Variants in GYPC observed in about 807,000 individuals in gnomAD.
The protein encoded by GYPC is glycophorin-C.
GYPC carries 14 observed loss-of-function variants against 12.6 expected under a neutral mutation model. The observed-to-expected ratio is 1.11, with a 90% CI of 0.74 to 1.74. The LOEUF is 1.74. GYPC is among the 40% of genes most tolerant of loss of function. GYPC has a pLI of 0.00. For synonymous variants in GYPC, 78 were observed against 62.1 expected (o/e 1.26, Z -1.20); for missense variants, 225 against 172.1 (o/e 1.31, Z -1.72).
At chr2:126,673,058 T>C (rs901386970) in intron 1 of GYPC, among the ~76,000 whole-genome samples, 1 of 151,894 alleles carries the variant, frequency 6.6e-6, no homozygotes, top group African/African-American at 2.4e-5. Context: ...CAGAAGGGTA[T>C]TGGGAGACCC....
At position 126,693,917 on chromosome 2, in the gene GYPC, C is replaced by T. The variant is rs1465402454; in HGVS notation, c.160C>T (p.Pro54Ser). ...GGATGGCAGAATGGAGACCTCCACC[C>T]CCACCATAATGGACATTGTCGTCAT... Reference protein sequence around the residue: ...WPDGRMETSTPTIMDIVVIAG... With the variant: ...WPDGRMETSTSTIMDIVVIAG... The change falls in exon 3 of 4, where the codon CCC becomes TCC. Residue 54 changes from proline (P) to serine (S), a missense_variant. Pro to Ser is a moderately conservative substitution (Grantham distance 74, BLOSUM62 -1). Coordinates refer to ENST00000259254, the MANE Select transcript of GYPC (RefSeq NM_002101.5). 6.2e-7 allele frequency: 1 copy of T among 1,612,100 alleles called. No individual in the cohort carries two copies.
At chr2:126,684,555 C>T (rs1215573959) in intron 1 of GYPC, among the ~76,000 whole-genome samples, 1 of 152,192 alleles carries the variant, frequency 6.6e-6, no homozygotes, top group African/African-American at 2.4e-5. Context: ...TTCAGGAAGC[C>T]TTTCCTGAGG....
intron 1 of GYPC, among the ~76,000 whole-genome samples, chr2:126,665,384 C>T (rs748380015): frequency 2.0e-5 from 3 of 152,142 alleles, no homozygotes; most frequent in Non-Finnish European, 2.9e-5. Flanking sequence ...CATAGTTATT[C>T]GCATATAGGA....
chr2:126,674,325 C>T (rs1258053102), intron 1 of GYPC, among the ~76,000 whole-genome samples: 1 of 152,154 alleles, frequency 6.6e-6, no homozygotes, highest in African/African-American at 2.4e-5. Context: ...CCCTCAGACC[C>T]ATCCCCAGGC....
intron 1 of GYPC, among the ~76,000 whole-genome samples, chr2:126,675,409 GT>G (rs932042617): frequency 2.0e-5 from 3 of 152,098 alleles, no homozygotes; most frequent in African/African-American, 7.2e-5. Context: ...TCACACTGAT[GT>G]TCCCTTCATT....
intron 1 of GYPC, among the ~76,000 whole-genome samples, chr2:126,661,850 G>A (rs1212758964): frequency 6.6e-6 from 1 of 152,200 alleles, no homozygotes; most frequent in Non-Finnish European, 1.5e-5. Context: ...AGGGCTCAGG[G>A]GAGGAAGCTC....
intron 1 of GYPC, among the ~76,000 whole-genome samples, chr2:126,661,434 AGAT>A (rs1245585228): frequency 1.5e-4 from 22 of 150,400 alleles, no homozygotes; most frequent in African/African-American, 5.1e-4. Context: ...TGTGAAAGCC[AGAT>A]GCCCCTTCTC....
At chr2:126,679,946 AC>A (rs1269900724) in intron 1 of GYPC, 1 of 152,190 alleles carries the variant, frequency 6.6e-6, no homozygotes, top group Non-Finnish European at 1.5e-5. Flanking sequence ...GCAAACTACA[AC>A]TTGTGGGCCA....
At chr2:126,678,185 G>T (rs560418612) in intron 1 of GYPC, 3 of 152,148 alleles carry the variant, frequency 2.0e-5, no homozygotes, top group Admixed American at 6.5e-5. Context: ...TGGCACCACT[G>T]CACTCCAGCC....
At chr2:126,665,261 G>C (rs1433725093) in intron 1 of GYPC, among the ~76,000 whole-genome samples, 1 of 152,148 alleles carries the variant, frequency 6.6e-6, no homozygotes, top group Non-Finnish European at 1.5e-5. Context: ...TACTGAGAGA[G>C]AGAGAGAGAC....
intron 1 of GYPC, among the ~76,000 whole-genome samples, chr2:126,680,968 C>T (rs13398453): frequency 0.024 from 3,727 of 152,164 alleles, 147 homozygotes; most frequent in African/African-American, 0.084. Context: ...GTCAGGGCGG[C>T]GGGAAGGGAC....
chr2:126,693,947 G>C lies in GYPC; in HGVS notation c.190G>C (p.Gly64Arg). ...PTIMDIVVIA[G>R]VIAAVAIVLV... ...CATAATGGACATTGTCGTCATTGCA[G>C]GTGAGCTCTCATCACAGAGCCCTTC... Residue 64 changes from glycine to arginine, a missense_variant and splice_region_variant, in exon 3 of 4, where the codon GGT (glycine) becomes CGT (arginine). By Grantham distance (125) the Gly-to-Arg change is moderately radical. Coordinates refer to ENST00000259254, the MANE Select transcript of GYPC (RefSeq NM_002101.5). 6.3e-7 allele frequency: 1 copy of C among 1,599,852 alleles called. No individual in the cohort carries two copies. The highest frequency in any genetic ancestry group is 1.1e-5 in the South Asian group (1 of 90,818).
At chr2:126,661,142 C>T (rs1017224902) in intron 1 of GYPC, among the ~76,000 whole-genome samples, 6 of 152,196 alleles carry the variant, frequency 3.9e-5, no homozygotes, top group African/African-American at 1.4e-4. Flanking sequence ...CACTGGGTTC[C>T]TTCTTAGGCA....
intron 1 of GYPC, chr2:126,658,811 G>A (rs1214075773): frequency 1.3e-5 from 2 of 151,992 alleles, no homozygotes; most frequent in Non-Finnish European, 2.9e-5. Context: ...ATCTCTTAAA[G>A]GTTATACCTT....
Position 126,656,199 on chromosome 2 carries a change from C to T in GYPC, c.-65C>T, listed in dbSNP as rs181498927. On this transcript the variant is annotated 5_prime_UTR_variant, in exon 1 of 4. Coordinates refer to ENST00000259254, the MANE Select transcript of GYPC (RefSeq NM_002101.5). ...GTCAGGAGCCCGGGAGCGCGACCCT[C>T]CCCCGGCCCGGCCTGGCCCGGCCTG... The T allele has an allele frequency of 2.1e-5, 32 of 1,544,520 alleles. No homozygotes were observed. The African/African-American group carries it at 3.5e-4, about 17-fold the overall frequency.
Position 126,690,252 on chromosome 2 carries a change from C to G in GYPC, c.50-3C>G, listed in dbSNP as rs112389794. On this transcript the variant is annotated splice_region_variant and splice_polypyrimidine_tract_variant and intron_variant, in intron 1 of 3. Transcript: ENST00000259254. The stretch of plus-strand genomic sequence containing the variant: ...ACCTCAGATTCTTGTCCTCTGTTCA[C>G]AGAGCCTGATCCGGGGATGGCCTCT... The G allele has an allele frequency of 1.9e-6, 3 of 1,610,544 alleles. No homozygotes were observed. Among genetic ancestry groups the G allele is most frequent in the Non-Finnish European group, 2.5e-6 (3 of 1,176,700 alleles).
Position 126,668,870 on chromosome 2 carries a change from A to G in GYPC, c.49+12558A>G, listed in dbSNP as rs139519646. 6.6e-5 allele frequency among the ~76,000 whole-genome samples: 10 copies of G among 152,310 alleles called. No homozygotes were observed. In the East Asian group the frequency reaches 1.2e-3, roughly 18 times the overall value. ...TTCTTGGGACAGCAAGGTTCACATC[A>G]TGACAGGAATAAAAAGCATCCAGTC... On this transcript the variant is annotated intron_variant, in intron 1 of 3. Transcript: ENST00000259254.
At chr2:126,678,463 T>TGTGTGCCTCTGGCTCATACAGAGCCA (rs912210916) in intron 1 of GYPC, 4 of 152,258 alleles carry the variant, frequency 2.6e-5, no homozygotes, top group Non-Finnish European at 5.9e-5. Context: ...CCACTGAGCC[T>TGTGTGCCTCTGGCTCATACAGAGCCA]GTGTGCCTCT....
At chr2:126,694,132 A>G (rs965985296) in intron 3 of GYPC, among the ~76,000 whole-genome samples, 185 bp downstream of exon 3, 1 of 152,112 alleles carries the variant, frequency 6.6e-6, no homozygotes, top group African/African-American at 2.4e-5. Context: ...ATACATGCAT[A>G]CATCGTACGT....
Sources: allele counts gnomAD v4.1 joint callset (sites outside exome capture counted in the v4.1 genomes callset), GRCh38; gene constraint gnomAD v4.1.1; transcripts MANE v1.5; gene names NCBI Gene and HGNC (gene_info 2026-07-23, HGNC 2026-07-21).